Variants in ZSCAN25 observed in about 807,000 individuals in gnomAD.
ZSCAN25 encodes the protein zinc finger and SCAN domain-containing protein 25.
ZSCAN25 carries 27 observed loss-of-function variants against 38.7 expected under a neutral mutation model. The ratio of observed to expected loss-of-function variants is 0.70; its 90% CI spans 0.51 to 0.96. ZSCAN25 has a LOEUF of 0.96. Among genes scored for constraint, ZSCAN25 ranks in the 40% least tolerant of loss-of-function variants. ZSCAN25 has a pLI of 0.00. For missense variants in ZSCAN25, 637 were observed against 705.9 expected, an observed-to-expected ratio of 0.90 and a Z score of 1.11; for synonymous variants, 273 against 277.7, an observed-to-expected ratio of 0.98 and a Z score of 0.17.
At chr7:99,680,334 G>C in the ZSCAN25 span, among the ~76,000 whole-genome samples, 1 of 152,020 alleles carries the variant, frequency 6.6e-6, no homozygotes, top group Admixed American at 6.6e-5. Context: ...GAGTGTACCT[G>C]TGCCCTCTAG....
chr7:99,629,966 C>T lies in ZSCAN25; in HGVS notation c.1581C>T (p.Ser527=), dbSNP rs58348332. 2.2e-3 allele frequency: 3,610 copies of T among 1,607,598 alleles called. 77 individuals carry two copies. The African/African-American group carries it at 0.043, about 19-fold the overall frequency. The change falls in exon 8 of 8, where the codon TCC becomes TCT. Residue 527 remains serine, a synonymous_variant. Coordinates refer to ENST00000394152, the MANE Select transcript of ZSCAN25 (RefSeq NM_145115.3). The surrounding 1 kb of genome is among the most constrained non-coding windows in gnomAD (Gnocchi z 5.6). ...PACGRSFNQR[S]ILNRHQKTQH... is the part of the protein sequence containing the mutation. ...GCGGGCGAAGCTTCAACCAGAGGTCCATCCTCAACCGGCACCAGAAGACCC... is the reference window on the plus strand; with the variant it reads ...GCGGGCGAAGCTTCAACCAGAGGTCTATCCTCAACCGGCACCAGAAGACCC...
At chr7:99,651,724 A>C in the ZSCAN25 span, among the ~76,000 whole-genome samples, 1 of 152,264 alleles carries the variant, frequency 6.6e-6, no homozygotes, top group Non-Finnish European at 1.5e-5. Context: ...TTAATAATAC[A>C]GTAATGGGAA....
At chr7:99,680,550 G>A in the ZSCAN25 span, among the ~76,000 whole-genome samples, 1 of 152,046 alleles carries the variant, frequency 6.6e-6, no homozygotes. Context: ...CTCCTCAAGG[G>A]CACAGTCTGG....
chr7:99,699,106 A>AG, the ZSCAN25 span, among the ~76,000 whole-genome samples: 1 of 152,150 alleles, frequency 6.6e-6, no homozygotes, highest in African/African-American at 2.4e-5. Flanking sequence ...TGTAACACAA[A>AG]GGGGAAAAAA....
At chr7:99,731,680 A>C in the ZSCAN25 span, among the ~76,000 whole-genome samples, 26 of 152,018 alleles carry the variant, frequency 1.7e-4, no homozygotes, top group African/African-American at 5.3e-4. Flanking sequence ...CTTTCCCTTC[A>C]CTCTAAGCTC....
the ZSCAN25 span, chr7:99,717,737 A>G: frequency 1.4e-6 from 2 of 1,434,542 alleles, no homozygotes; most frequent in Non-Finnish European, 1.9e-6. Flanking sequence ...TTTAACAAAT[A>G]TTTAGTGACT....
the ZSCAN25 span, among the ~76,000 whole-genome samples, chr7:99,729,257 C>G: frequency 6.6e-6 from 1 of 152,090 alleles, no homozygotes; most frequent in Non-Finnish European, 1.5e-5. Flanking sequence ...TTATTCTATA[C>G]AACAAATATT....
At chr7:99,693,039 A>G in the ZSCAN25 span, among the ~76,000 whole-genome samples, 6 of 152,036 alleles carry the variant, frequency 3.9e-5, no homozygotes, top group African/African-American at 7.2e-5. Flanking sequence ...GGTTTTATCT[A>G]TCTTTGGTCT....
At chr7:99,715,942 A>T in the ZSCAN25 span, 11 of 1,612,648 alleles carry the variant, frequency 6.8e-6, no homozygotes, top group Non-Finnish European at 7.6e-6. Flanking sequence ...TAAAATCAGC[A>T]CCTCTTTACC....
the ZSCAN25 span, among the ~76,000 whole-genome samples, chr7:99,691,252 A>G: frequency 6.6e-6 from 1 of 150,392 alleles, no homozygotes; most frequent in South Asian, 2.2e-4. Context: ...ATGAGAACAC[A>G]TGGACACAGG....
At position 99,630,363 on chromosome 7, in the gene ZSCAN25, C is replaced by T. The variant is rs925355063; in HGVS notation, c.*343C>T. The T allele has an allele frequency of 7.1e-5, 76 of 1,076,278 alleles. No individual in the cohort carries two copies. The African/African-American group carries it at 1.1e-3, about 15-fold the overall frequency. 66.7% of individuals were successfully genotyped at this position (1,076,278 alleles called of 1,614,324 possible). A position where few individuals can be genotyped will look rare whatever the true frequency, so the allele number is the denominator to read the frequency against. On this transcript the variant is annotated 3_prime_UTR_variant, in exon 8 of 8. Coordinates refer to ENST00000394152, the MANE Select transcript of ZSCAN25 (RefSeq NM_145115.3). ...CCTTGACACGTGTTGGTAGCTGGGA[C>T]CTCATCTTCCTGAGGGCTCTGTCTT...
chr7:99,734,446 T>C, the ZSCAN25 span, among the ~76,000 whole-genome samples: 6 of 152,158 alleles, frequency 3.9e-5, no homozygotes, highest in Non-Finnish European at 8.8e-5. Flanking sequence ...AACCATTGTC[T>C]ATTAGATTAT....
chr7:99,651,313 CAT>C, the ZSCAN25 span, among the ~76,000 whole-genome samples: 1 of 152,114 alleles, frequency 6.6e-6, no homozygotes, highest in Non-Finnish European at 1.5e-5. Flanking sequence ...TTATGTAAAT[CAT>C]ATGGATTTAT....
At chr7:99,652,615 T>G in the ZSCAN25 span, 186 of 1,613,988 alleles carry the variant, frequency 1.2e-4, no homozygotes, top group Non-Finnish European at 1.5e-4. Context: ...GAGCATAAGT[T>G]GGAATCACCA....
chr7:99,664,075 G>T, the ZSCAN25 span: 1 of 1,589,594 alleles, frequency 6.3e-7, no homozygotes, highest in Non-Finnish European at 8.5e-7. Flanking sequence ...TCAAAAACTG[G>T]GGTAAGGAAT....
the ZSCAN25 span, among the ~76,000 whole-genome samples, chr7:99,655,088 TC>T: frequency 3.3e-5 from 5 of 152,250 alleles, no homozygotes; most frequent in Non-Finnish European, 5.9e-5. Context: ...TTTCATTAGA[TC>T]CCATTTGTCA....
chr7:99,730,870 C>T, the ZSCAN25 span: 1 of 684,942 alleles, frequency 1.5e-6, no homozygotes, highest in Non-Finnish European at 2.4e-6. Context: ...CTGAGGCAAA[C>T]TTGAGGTTCC....
chr7:99,660,090 A>C, the ZSCAN25 span: 1 of 530,642 alleles, frequency 1.9e-6, no homozygotes, highest in Non-Finnish European at 2.4e-6. Context: ...ACTCTCCAAC[A>C]ATCCCCATTG....
At position 99,624,115 on chromosome 7, in the gene ZSCAN25, T is replaced by C. The variant is rs754217366; in HGVS notation, c.740T>C (p.Val247Ala). The change falls in exon 7 of 8, where the codon GTG becomes GCG. Residue 247 changes from valine (V) to alanine (A), a missense_variant. Val to Ala is a moderately conservative substitution (Grantham distance 64). Transcript: ENST00000394152. ...LAFPEEEWRHVTPAQIDCFGE... is the reference protein window; with the variant it reads ...LAFPEEEWRHATPAQIDCFGE... ...TTCCCTGAGGAGGAGTGGAGGCATG[T>C]GACCCCAGCCCAGATAGACTGCTTT... is the stretch of plus-strand genomic sequence containing the variant. The C allele has an allele frequency of 1.9e-6, 3 of 1,614,142 alleles. No individual in the cohort carries two copies. Among genetic ancestry groups the C allele is most frequent in the Admixed American group, 1.7e-5 (1 of 60,024 alleles).
Sources: allele counts gnomAD v4.1 joint callset (sites outside exome capture counted in the v4.1 genomes callset), GRCh38; gene constraint gnomAD v4.1.1; non-coding constraint Gnocchi (gnomAD v3.1); transcripts MANE v1.5; gene names NCBI Gene and HGNC (gene_info 2026-07-23, HGNC 2026-07-21).